GOLGB1: variants seen among roughly 807,000 people sequenced by gnomAD.
GOLGB1 encodes golgin subfamily B member 1.
In GOLGB1, 174 loss-of-function variants were observed where a neutral mutation model predicts 336.9. The ratio of observed to expected loss-of-function variants is 0.52; its 90% CI spans 0.46 to 0.59. The LOEUF (loss-of-function observed/expected upper bound fraction) is 0.59. Among genes scored for constraint, GOLGB1 ranks in the 20% least tolerant of loss-of-function variants. The pLI is 0.00. For synonymous variants in GOLGB1, 1,208 were observed against 1,289.2 expected (o/e 0.94, Z 1.35); for missense variants, 3,331 against 3,645.3 (o/e 0.91, Z 2.22).
intron 20 of GOLGB1, among the ~76,000 whole-genome samples, chr3:121,666,632 T>C (rs1448659440): frequency 2.0e-5 from 3 of 152,216 alleles, no homozygotes; most frequent in African/African-American, 7.2e-5. Flanking sequence ...ACCTGCTCAA[T>C]GGGGCTGTCA....
chr3:121,685,973 C>T (rs193136552), intron 14 of GOLGB1, among the ~76,000 whole-genome samples: 197 of 152,296 alleles, frequency 1.3e-3, no homozygotes, highest in Admixed American at 2.0e-3. Flanking sequence ...CTAGAATGGA[C>T]CATCAGAAAG....
chr3:121,700,986 T>C (rs561265624), intron 11 of GOLGB1, among the ~76,000 whole-genome samples: 1 of 152,112 alleles, frequency 6.6e-6, no homozygotes, highest in South Asian at 2.1e-4. Context: ...ACCCAGCAAC[T>C]GGAATAGTGC....
intron 20 of GOLGB1, 73 bp from the exon 21 acceptor site, chr3:121,665,104 T>A: frequency 3.6e-6 from 3 of 833,784 alleles, no homozygotes; most frequent in Non-Finnish European, 6.2e-6. Context: ...GTCTTCCCAG[T>A]CATCCTGCCA....
intron 15 of GOLGB1, among the ~76,000 whole-genome samples, chr3:121,680,825 A>G (rs1349342758): frequency 2.0e-5 from 3 of 152,234 alleles, no homozygotes; most frequent in African/African-American, 7.2e-5. Context: ...CAATTAGAAA[A>G]CGGACAAAAG....
At chr3:121,719,015 A>T (rs1045891902) in intron 7 of GOLGB1, among the ~76,000 whole-genome samples, 98 of 152,238 alleles carry the variant, frequency 6.4e-4, no homozygotes, top group African/African-American at 2.2e-3. Context: ...TTAGTGGTGC[A>T]TTCTGAAAGA....
intron 20 of GOLGB1, among the ~76,000 whole-genome samples, chr3:121,665,565 A>T (rs1413511658): frequency 1.3e-5 from 2 of 152,238 alleles, no homozygotes; most frequent in Non-Finnish European, 2.9e-5. Context: ...AACTAAAAAA[A>T]ATTAAATTGA....
chr3:121,705,727 T>C (rs370262682), intron 10 of GOLGB1, among the ~76,000 whole-genome samples: 1 of 152,200 alleles, frequency 6.6e-6, no homozygotes, highest in Admixed American at 6.5e-5. Flanking sequence ...GGGCAGGACA[T>C]GAATGTGAGG....
At chr3:121,722,474 T>C (rs1945268835) in intron 5 of GOLGB1, 96 bp from the exon 6 acceptor site, 2 of 667,570 alleles carry the variant, frequency 3.0e-6, no homozygotes, top group Non-Finnish European at 5.3e-6. Flanking sequence ...TTAACCTAAA[T>C]GCCTACCATA....
rs1944826434 is a variant in GOLGB1 at position 121,716,888 on chromosome 3, C to T, written c.1137G>A (p.Met379Ile). ...TCAAAATATGAGAGGTCTTCTCTTC[C>T]ATTTCTGCTTTGTGCTTCTGCTCCA... ...SALEQKHKAE[M>I]EEKTSHILSL... is the part of the protein sequence containing the mutation. The change falls in exon 9 of 22, where the codon ATG becomes ATA. Residue 379 changes from methionine to isoleucine, a missense_variant. Met to Ile is a conservative substitution (Grantham distance 10). Transcript: ENST00000614479. 4.3e-6 allele frequency: 7 copies of T among 1,614,068 alleles called. No homozygotes were observed. Among genetic ancestry groups the T allele is most frequent in the Non-Finnish European group, 5.9e-6 (7 of 1,179,962 alleles).
At chr3:121,676,100 G>A (rs1468610502) in intron 17 of GOLGB1, among the ~76,000 whole-genome samples, 1 of 152,200 alleles carries the variant, frequency 6.6e-6, no homozygotes, top group Non-Finnish European at 1.5e-5. Flanking sequence ...TTTAAAAACT[G>A]CAAATGTCTC....
chr3:121,685,126 A>T (rs1054513455), intron 14 of GOLGB1, among the ~76,000 whole-genome samples: 14 of 152,256 alleles, frequency 9.2e-5, no homozygotes, highest in Admixed American at 5.2e-4. Flanking sequence ...AATAAAAGTA[A>T]CATGTCTCTA....
chr3:121,692,329 C>G lies in GOLGB1; in HGVS notation c.7035G>C (p.Gly2345=). ...KCKEQKGNLE[G]IIRQQEADIQ... is the part of the protein sequence containing the mutation. ...TATCAGCCTCTTGCTGCCTTATGAT[C>G]CCTTCCAAGTTTCCTTTTTGTTCCT... Residue 2345 remains glycine, a synonymous_variant, in exon 14 of 22, where the codon GGG becomes GGC. Coordinates refer to ENST00000614479, the MANE Select transcript of GOLGB1 (RefSeq NM_001366282.2). The G allele has an allele frequency of 1.2e-6, 2 of 1,609,862 alleles. No individual in the cohort carries two copies. Among genetic ancestry groups the G allele is most frequent in the Non-Finnish European group, 1.7e-6 (2 of 1,178,850 alleles).
rs781218353 is a variant in GOLGB1 at position 121,693,812 on chromosome 3, A to G, written c.6711T>C (p.Asn2237=). ...TAAGTTGATCCTTTAGAACACTGCA[A>G]TTATCTTCTTTGAGTCTAATTTCTT... The part of the protein sequence containing the change: ...KEEEIRLKED[N]CSVLKDQLRQ... The change falls in exon 13 of 22, where the codon AAT becomes AAC. Residue 2237 remains asparagine (N), a synonymous_variant. Transcript: ENST00000614479. 4.3e-6 allele frequency: 7 copies of G among 1,610,504 alleles called. No individual in the cohort carries two copies. In the South Asian group the frequency reaches 4.4e-5, roughly 10 times the overall value.
intron 15 of GOLGB1, among the ~76,000 whole-genome samples, chr3:121,678,655 C>T (rs1408249665): frequency 2.6e-5 from 4 of 151,964 alleles, no homozygotes; most frequent in Non-Finnish European, 5.9e-5. Flanking sequence ...GCAACCTCCA[C>T]CTCCCGGGTT....
intron 5 of GOLGB1, among the ~76,000 whole-genome samples, chr3:121,724,612 T>A (rs778973576): frequency 6.7e-6 from 1 of 148,844 alleles, no homozygotes; most frequent in African/African-American, 2.5e-5. Context: ...TGGTAAAGAA[T>A]GGAGAAGATT....
chr3:121,743,843 C>T (rs917102600), intron 1 of GOLGB1, among the ~76,000 whole-genome samples: 3 of 152,020 alleles, frequency 2.0e-5, no homozygotes, highest in Non-Finnish European at 4.4e-5. Context: ...CAAACCATCT[C>T]CCTATGAATA....
intron 14 of GOLGB1, among the ~76,000 whole-genome samples, chr3:121,684,531 G>A (rs777683532): frequency 1.1e-4 from 16 of 151,986 alleles, no homozygotes; most frequent in Non-Finnish European, 2.4e-4. Flanking sequence ...AGAAAGGGAG[G>A]GAAGGTGGGG....
At position 121,696,211 on chromosome 3, in the gene GOLGB1, CT is replaced by C; in HGVS notation, c.4311del (p.Glu1438LysfsTer3). On this transcript the variant is annotated frameshift_variant, in exon 13 of 22. Transcript: ENST00000614479. LOFTEE classifies it high-confidence loss of function. ...LTKIQTEIIE[Q>X]EDLIKALHTQ... is the part of the protein sequence containing the mutation. ...GTATGCAGAGCCTTAATTAAATCTT[CT>C]TGTTCTATTATCTCTGTCTGTATTT... is the stretch of plus-strand genomic sequence containing the variant. 6.2e-7 allele frequency: 1 copy of C among 1,614,030 alleles called. No homozygotes were observed. The highest frequency in any genetic ancestry group is 8.5e-7 in the Non-Finnish European group (1 of 1,179,950).
At position 121,691,456 on chromosome 3, in the gene GOLGB1, A is replaced by T; in HGVS notation, c.7908T>A (p.His2636Gln). Residue 2636 changes from histidine (H) to glutamine (Q), a missense_variant, in exon 14 of 22, where the codon CAT becomes CAA. Transcript: ENST00000614479. Reference protein sequence around the residue: ...LQEEGTLGLYHAQLKVKEEEV... With the variant: ...LQEEGTLGLYQAQLKVKEEEV... ...CTTCTTCTTTTACTTTTAACTGGGC[A>T]TGATAGAGTCCTAAAGTACCTTCTT... 6.2e-7 allele frequency: 1 copy of T among 1,613,836 alleles called. No homozygotes were observed. The highest frequency in any genetic ancestry group is 2.2e-5 in the East Asian group (1 of 44,870).
Sources: allele counts gnomAD v4.1 joint callset (sites outside exome capture counted in the v4.1 genomes callset), GRCh38; gene constraint gnomAD v4.1.1; transcripts MANE v1.5; gene names NCBI Gene and HGNC (gene_info 2026-07-23, HGNC 2026-07-21).